ARHGAP24: variants seen among roughly 807,000 people sequenced by gnomAD.
ARHGAP24 encodes the protein rho GTPase-activating protein 24.
Under a neutral mutation model 76.4 loss-of-function variants are expected in ARHGAP24, and 50 were observed. The observed-to-expected ratio is 0.65, with a 90% confidence interval of 0.52 to 0.83. The LOEUF (loss-of-function observed/expected upper bound fraction) is 0.83, where lower values mean the gene tolerates loss of function less well. Among genes scored for constraint, ARHGAP24 ranks in the 40% least tolerant of loss-of-function variants. The pLI, the probability that ARHGAP24 is intolerant of heterozygous loss-of-function variation, is 0.00. For synonymous variants in ARHGAP24, 345 were observed against 323.3 expected, an observed-to-expected ratio of 1.07 and a Z score of -0.72; for missense variants, 930 against 914.2, an observed-to-expected ratio of 1.02 and a Z score of -0.22.
At chr4:85,946,484 C>A (rs935292811) in intron 5 of ARHGAP24, among the ~76,000 whole-genome samples, 7 of 152,148 alleles carry the variant, frequency 4.6e-5, no homozygotes, top group Admixed American at 1.3e-4. Context: ...CACCCTCTCT[C>A]CCTCTCCTCT....
rs569631340 is a variant in ARHGAP24 at position 85,583,357 on chromosome 4, A to T, written c.180+12636A>T. Among the ~76,000 whole-genome samples the T allele has an allele frequency of 5.9e-5, 9 of 152,268 alleles. No individual in the cohort carries two copies. In the East Asian group the frequency reaches 1.3e-3, roughly 23 times the overall value. ...ATGTGTTCAGTACTCTATTTATATTATTATTCTATTAATTCTCACAACACT... is the reference window on the plus strand; with the variant it reads ...ATGTGTTCAGTACTCTATTTATATTTTTATTCTATTAATTCTCACAACACT... On this transcript the variant is annotated intron_variant, in intron 2 of 9. Transcript: ENST00000395184.
intron 5 of ARHGAP24, among the ~76,000 whole-genome samples, chr4:85,962,570 C>T (rs1028998569): frequency 1.3e-5 from 2 of 151,972 alleles, no homozygotes; most frequent in African/African-American, 4.8e-5. Context: ...GTGTCTCTTA[C>T]AGTGAGTAGG....
At chr4:85,567,175 A>T (rs1470095760) in intron 1 of ARHGAP24, among the ~76,000 whole-genome samples, 1 of 152,178 alleles carries the variant, frequency 6.6e-6, no homozygotes, top group East Asian at 1.9e-4. Flanking sequence ...GAGAATCCTT[A>T]TCTGATTTGA....
chr4:85,994,455 A>G (rs1363820241), intron 8 of ARHGAP24, 128 bp from the exon 9 acceptor site: 48 of 941,634 alleles, frequency 5.1e-5, no homozygotes, highest in Non-Finnish European at 1.0e-5. Context: ...ATCATAGTTA[A>G]GAATATGGTT....
intron 3 of ARHGAP24, among the ~76,000 whole-genome samples, chr4:85,899,905 C>A (rs1409162088): frequency 2.0e-5 from 3 of 152,124 alleles, no homozygotes; most frequent in African/African-American, 4.8e-5. Flanking sequence ...AAAAGTAATT[C>A]ATATTCATTA....
At chr4:85,546,518 T>C (rs931106725) in intron 1 of ARHGAP24, among the ~76,000 whole-genome samples, 1 of 152,220 alleles carries the variant, frequency 6.6e-6, no homozygotes, top group African/African-American at 2.4e-5. Flanking sequence ...TTCTAAGAAT[T>C]ACAACATTTT....
chr4:85,701,800 T>C lies in ARHGAP24; in HGVS notation c.181-20085T>C, dbSNP rs1279862572. Among the ~76,000 whole-genome samples, 5 of 152,162 alleles carry C rather than the reference T, an allele frequency of 3.3e-5. No homozygotes were observed. In the East Asian group the frequency reaches 9.6e-4, roughly 29 times the overall value. On this transcript the variant is annotated intron_variant, in intron 2 of 9. Coordinates refer to ENST00000395184, the MANE Select transcript of ARHGAP24 (RefSeq NM_001025616.3). ...ATCAAGATTCATATATAGATATGTGTGTACTATGTGTGTTTGTATAATACA... is the reference window on the plus strand; with the variant it reads ...ATCAAGATTCATATATAGATATGTGCGTACTATGTGTGTTTGTATAATACA...
chr4:85,888,452 T>C (rs1191858093), intron 3 of ARHGAP24, among the ~76,000 whole-genome samples: 4 of 151,318 alleles, frequency 2.6e-5, no homozygotes, highest in Non-Finnish European at 2.9e-5. Flanking sequence ...ACAGGAGTGA[T>C]GTTTATAAGC....
intron 1 of ARHGAP24, among the ~76,000 whole-genome samples, chr4:85,535,098 T>C (rs1221828946): frequency 4.6e-5 from 7 of 152,206 alleles, no homozygotes; most frequent in African/African-American, 1.7e-4. Flanking sequence ...TTGATTCAAA[T>C]GTAAAAGCTC....
chr4:85,883,752 A>T (rs969036447), intron 3 of ARHGAP24, among the ~76,000 whole-genome samples: 8 of 152,190 alleles, frequency 5.3e-5, no homozygotes, highest in African/African-American at 1.9e-4. Context: ...ACACACAGAC[A>T]GATGTTAGCA....
intron 3 of ARHGAP24, among the ~76,000 whole-genome samples, chr4:85,920,003 C>T (rs1318709530): frequency 6.6e-6 from 1 of 152,138 alleles, no homozygotes. Flanking sequence ...TGCATATTAA[C>T]GTATGGTATG....
At chr4:85,941,970 A>T in intron 4 of ARHGAP24, 96 bp from the exon 5 acceptor site, 1 of 1,260,640 alleles carries the variant, frequency 7.9e-7, no homozygotes. Context: ...TAGCATTCCA[A>T]TCTTTGTTTT....
intron 3 of ARHGAP24, among the ~76,000 whole-genome samples, chr4:85,797,364 A>G (rs1041437038): frequency 3.3e-5 from 5 of 151,998 alleles, no homozygotes; most frequent in African/African-American, 9.7e-5. Context: ...TAGTAGAGAC[A>G]GGATTTCACC....
At chr4:85,925,247 A>C (rs4599406) in intron 4 of ARHGAP24, among the ~76,000 whole-genome samples, 99,920 of 152,162 alleles carry the variant, frequency 0.66, 33,801 homozygotes, top group East Asian at 0.99. Flanking sequence ...TCATGCTGTC[A>C]TTCCCAGGAT....
At chr4:85,615,292 G>A (rs187060083) in intron 2 of ARHGAP24, among the ~76,000 whole-genome samples, 1 of 151,576 alleles carries the variant, frequency 6.6e-6, no homozygotes, top group Admixed American at 6.6e-5. Context: ...TACATATATT[G>A]TATTTATTTT....
intron 2 of ARHGAP24, among the ~76,000 whole-genome samples, chr4:85,602,292 A>G (rs1271922683): frequency 2.0e-5 from 3 of 152,242 alleles, no homozygotes; most frequent in Non-Finnish European, 4.4e-5. Context: ...CACAGATTGC[A>G]ATTAATCTCA....
intron 2 of ARHGAP24, among the ~76,000 whole-genome samples, chr4:85,703,971 A>G (rs1724203141): frequency 6.6e-6 from 1 of 152,002 alleles, no homozygotes; most frequent in Non-Finnish European, 1.5e-5. Context: ...TGACTGGTAT[A>G]TTTTCTGTCC....
intron 3 of ARHGAP24, among the ~76,000 whole-genome samples, chr4:85,827,261 A>C (rs1395219026): frequency 6.6e-6 from 1 of 152,186 alleles, no homozygotes. Flanking sequence ...TCCAGTATGT[A>C]TGCAAAATGC....
Position 85,942,184 on chromosome 4 carries a change from A to G in ARHGAP24, c.510A>G (p.Glu170=). The G allele has an allele frequency of 6.2e-7, 1 of 1,614,140 alleles. No individual in the cohort carries two copies. Among genetic ancestry groups the G allele is most frequent in the Non-Finnish European group, 8.5e-7 (1 of 1,180,014 alleles). Residue 170 remains glutamate, a synonymous_variant, in exon 5 of 10, where the codon GAA becomes GAG. Transcript: ENST00000395184. ...TTATCCGACAAAGGGGGCTGAAAGA[A>G]GAGGGTCTCTTTCGACTGCCAGGCC... The part of the protein sequence containing the change: ...VDFIRQRGLK[E]EGLFRLPGQA...
Sources: gnomAD v4.1 joint callset for allele counts (sites outside exome capture counted in the v4.1 genomes callset) on GRCh38, gnomAD v4.1.1 for gene constraint, MANE v1.5 for transcripts, NCBI Gene and HGNC (gene_info 2026-07-23, HGNC 2026-07-21) for gene names.